SRD5A2: variants seen among roughly 807,000 people sequenced by gnomAD.
SRD5A2 encodes 3-oxo-5-alpha-steroid 4-dehydrogenase 2.
Under a neutral mutation model 27.4 loss-of-function variants are expected in SRD5A2, and 30 were observed. The observed-to-expected ratio is 1.10, with a 90% CI of 0.82 to 1.49. The LOEUF is 1.49. Among genes scored for constraint, SRD5A2 ranks in the 40% most tolerant of loss-of-function variants. The pLI, the probability that SRD5A2 is intolerant of heterozygous loss-of-function variation, is 0.00. For missense variants in SRD5A2, 348 were observed against 323.4 expected (o/e 1.08, Z -0.58); for synonymous variants, 141 against 133.6 (o/e 1.06, Z -0.38).
At chr2:31,545,486 C>T (rs954839518) in intron 1 of SRD5A2, among the ~76,000 whole-genome samples, 1 of 151,978 alleles carries the variant, frequency 6.6e-6, no homozygotes, top group Admixed American at 6.6e-5. Context: ...AACACGTGGT[C>T]AATTAATTGA....
At chr2:31,609,857 T>C in the SRD5A2 span, among the ~76,000 whole-genome samples, 1 of 152,140 alleles carries the variant, frequency 6.6e-6, no homozygotes, top group Non-Finnish European at 1.5e-5. Context: ...ATCTAGGATA[T>C]GTATTTTTTA....
intron 1 of SRD5A2, among the ~76,000 whole-genome samples, chr2:31,574,406 T>C (rs1666914501): frequency 6.6e-6 from 1 of 152,226 alleles, no homozygotes; most frequent in Non-Finnish European, 1.5e-5. Flanking sequence ...AATCCTTGAA[T>C]TCCCATCGTA....
chr2:31,534,058 C>G (rs1186569596), intron 1 of SRD5A2, among the ~76,000 whole-genome samples: 1 of 151,902 alleles, frequency 6.6e-6, no homozygotes, highest in African/African-American at 2.4e-5. Flanking sequence ...CATGACAGAA[C>G]AACAATTTTA....
the SRD5A2 span, among the ~76,000 whole-genome samples, chr2:31,593,970 A>G: frequency 6.6e-6 from 1 of 152,186 alleles, no homozygotes; most frequent in South Asian, 2.1e-4. Context: ...AGGAGAGATA[A>G]AGTCTTTTCC....
chr2:31,632,948 C>T, the SRD5A2 span, among the ~76,000 whole-genome samples: 1 of 152,116 alleles, frequency 6.6e-6, no homozygotes, highest in Admixed American at 6.5e-5. Flanking sequence ...GAGGGAACAC[C>T]TATCAAACAT....
At chr2:31,619,506 G>C in the SRD5A2 span, among the ~76,000 whole-genome samples, 1 of 152,036 alleles carries the variant, frequency 6.6e-6, no homozygotes, top group East Asian at 1.9e-4. Context: ...GGTCTTTGAA[G>C]AATTGCCACA....
the SRD5A2 span, among the ~76,000 whole-genome samples, chr2:31,643,243 G>C: frequency 6.6e-6 from 1 of 152,090 alleles, no homozygotes; most frequent in Non-Finnish European, 1.5e-5. Context: ...GTATGGATTA[G>C]AGATTATCAA....
chr2:31,642,836 C>T, the SRD5A2 span, among the ~76,000 whole-genome samples: 47,519 of 151,860 alleles, frequency 0.31, 7,596 homozygotes, highest in East Asian at 0.37. Flanking sequence ...CAAACTACTA[C>T]TCAGACAAAA....
the SRD5A2 span, among the ~76,000 whole-genome samples, chr2:31,659,703 A>G: frequency 6.6e-6 from 1 of 152,176 alleles, no homozygotes; most frequent in African/African-American, 2.4e-5. Flanking sequence ...AAATGGAAAA[A>G]CATTCCACAT....
upstream of SRD5A2, chr2:31,580,939 A>G: frequency 6.4e-7 from 1 of 1,569,592 alleles, no homozygotes; most frequent in Non-Finnish European, 8.6e-7. Flanking sequence ...GCCCTCCCAG[A>G]AGAGAGCGCG....
At chr2:31,637,899 G>A in the SRD5A2 span, among the ~76,000 whole-genome samples, 1 of 151,740 alleles carries the variant, frequency 6.6e-6, no homozygotes, top group Non-Finnish European at 1.5e-5. Flanking sequence ...TTATTGCATT[G>A]ATCTATAACT....
At chr2:31,628,366 T>A in the SRD5A2 span, among the ~76,000 whole-genome samples, 1 of 152,142 alleles carries the variant, frequency 6.6e-6, no homozygotes, top group Non-Finnish European at 1.5e-5. Flanking sequence ...TGGGTGTTAT[T>A]TCATGTACAA....
At chr2:31,532,487 G>A (rs1398443387) in intron 2 of SRD5A2, among the ~76,000 whole-genome samples, 2 of 151,780 alleles carry the variant, frequency 1.3e-5, no homozygotes, top group Non-Finnish European at 2.9e-5. Flanking sequence ...GTCTCCACAT[G>A]CACTATCCAC....
chr2:31,644,047 G>A, the SRD5A2 span, among the ~76,000 whole-genome samples: 1 of 152,172 alleles, frequency 6.6e-6, no homozygotes, highest in South Asian at 2.1e-4. Flanking sequence ...CTTCACAGTG[G>A]AGGAATGTTA....
At chr2:31,561,162 G>A (rs1666614224) in intron 1 of SRD5A2, among the ~76,000 whole-genome samples, 1 of 152,092 alleles carries the variant, frequency 6.6e-6, no homozygotes, top group Admixed American at 6.6e-5. Flanking sequence ...AATGCAATGA[G>A]ATTTGTAAAA....
At chr2:31,590,109 A>C in the SRD5A2 span, among the ~76,000 whole-genome samples, 5 of 152,118 alleles carry the variant, frequency 3.3e-5, no homozygotes, top group Non-Finnish European at 5.9e-5. Flanking sequence ...GGCTGCAGCA[A>C]GCCCTGCCCA....
chr2:31,530,598 T>A (rs768510227), intron 3 of SRD5A2, among the ~76,000 whole-genome samples: 14 of 152,240 alleles, frequency 9.2e-5, no homozygotes, highest in Non-Finnish European at 1.6e-4. Context: ...GTCATTAATT[T>A]CTTAATCAAT....
chr2:31,649,513 A>G, the SRD5A2 span, among the ~76,000 whole-genome samples: 1 of 152,184 alleles, frequency 6.6e-6, no homozygotes, highest in Non-Finnish European at 1.5e-5. Context: ...TCAAATACCT[A>G]TGTATCAATA....
At chr2:31,584,717 G>A (rs906814060), upstream of SRD5A2, among the ~76,000 whole-genome samples, 3 of 151,042 alleles carry the variant, frequency 2.0e-5, no homozygotes, top group Non-Finnish European at 4.4e-5. Flanking sequence ...CAAAAGAAGA[G>A]ATGTATAGTA....
Sources: gnomAD v4.1 joint callset for allele counts (sites outside exome capture counted in the v4.1 genomes callset) on GRCh38, gnomAD v4.1.1 for gene constraint, MANE v1.5 for transcripts, NCBI Gene and HGNC (gene_info 2026-07-23, HGNC 2026-07-21) for gene names.